UBA2: variants seen among roughly 807,000 people sequenced by gnomAD.
The protein encoded by UBA2 is SUMO-activating enzyme subunit 2.
UBA2 carries 11 observed loss-of-function variants against 77.2 expected under a neutral mutation model. That is an observed-to-expected ratio of 0.14 (90% CI 0.09 to 0.24). UBA2 has a LOEUF of 0.24. Ranked by LOEUF, UBA2 falls within the 10% of genes least tolerant of loss-of-function variation. The probability of loss-of-function intolerance (pLI) is 1.00; values close to 1 mark genes in which losing one functional copy is unlikely to be tolerated. For missense variants in UBA2, 487 were observed against 781.7 expected (o/e 0.62, Z 4.50); for synonymous variants, 278 against 276.7 (o/e 1.00, Z -0.05).
At chr19:34,465,637 GAAA>G (rs11369547) in intron 15 of UBA2, among the ~76,000 whole-genome samples, 1 of 139,812 alleles carries the variant, frequency 7.2e-6, no homozygotes, top group Non-Finnish European at 1.5e-5. Context: ...CTCCATGTCA[GAAA>G]AAAAAAAAAA....
At chr19:34,458,036 C>T (rs893401505) in intron 12 of UBA2, among the ~76,000 whole-genome samples, 1 of 152,094 alleles carries the variant, frequency 6.6e-6, no homozygotes, top group Non-Finnish European at 1.5e-5. Flanking sequence ...AAGGCACTAT[C>T]GTTAACTGGA....
chr19:34,467,201 C>T, intron 16 of UBA2, 187 bp downstream of exon 16: 1 of 669,602 alleles, frequency 1.5e-6, no homozygotes, highest in Non-Finnish European at 2.4e-6. Context: ...GGTGTGGTGG[C>T]TTACACCTGT....
chr19:34,454,179 G>C, intron 10 of UBA2, 81 bp from the exon 11 acceptor site: 2 of 1,232,292 alleles, frequency 1.6e-6, no homozygotes, highest in Non-Finnish European at 2.3e-6. Context: ...TTATAAACAC[G>C]TGAAAGTATT....
chr19:34,429,158 T>C (rs1391360986), intron 1 of UBA2: 1 of 984,894 alleles, frequency 1.0e-6, no homozygotes, highest in Non-Finnish European at 1.2e-6. Context: ...TAACTTACCC[T>C]GGGTCACGGA....
At chr19:34,438,124 G>A (rs920073885) in intron 5 of UBA2, among the ~76,000 whole-genome samples, 1 of 151,666 alleles carries the variant, frequency 6.6e-6, no homozygotes, top group Non-Finnish European at 1.5e-5. Context: ...ATTTTTCTGT[G>A]TAGGGAGATA....
intron 5 of UBA2, among the ~76,000 whole-genome samples, chr19:34,438,300 C>A (rs1033547886): frequency 4.0e-5 from 6 of 150,386 alleles, no homozygotes; most frequent in African/African-American, 1.5e-4. Context: ...GAAATAATTT[C>A]TTGGAAAGCT....
intron 3 of UBA2, among the ~76,000 whole-genome samples, chr19:34,432,454 A>G (rs541038718): frequency 2.6e-5 from 4 of 152,286 alleles, no homozygotes; most frequent in East Asian, 3.9e-4. Context: ...TCCTTTATCT[A>G]TGGTGGTTTA....
chr19:34,431,979 C>A, intron 3 of UBA2, 48 bp downstream of exon 3: 14 of 865,804 alleles, frequency 1.6e-5, no homozygotes, highest in African/African-American at 1.8e-5. Flanking sequence ...GTTTTGTAAG[C>A]CAAATATATA....
chr19:34,467,632 T>C (rs12610838), intron 16 of UBA2, among the ~76,000 whole-genome samples: 127,160 of 152,040 alleles, frequency 0.84, 53,437 homozygotes, highest in Non-Finnish European at 0.88. Flanking sequence ...AAAAATTAGC[T>C]GGGCGTGGCA....
At chr19:34,457,689 T>C (rs1323427303) in intron 12 of UBA2, among the ~76,000 whole-genome samples, 1 of 152,198 alleles carries the variant, frequency 6.6e-6, no homozygotes, top group Non-Finnish European at 1.5e-5. Flanking sequence ...CGTAGAGTAC[T>C]CCTTTAGAAT....
intron 6 of UBA2, among the ~76,000 whole-genome samples, chr19:34,441,112 A>G (rs755537849): frequency 6.6e-6 from 1 of 152,184 alleles, no homozygotes; most frequent in Non-Finnish European, 1.5e-5. Context: ...AGCATTTGGT[A>G]AAATTTAGCA....
At position 34,464,121 on chromosome 19, in the gene UBA2, A is replaced by G. The variant is rs768041032; in HGVS notation, c.1594A>G (p.Ile532Val). The change falls in exon 15 of 17, where the codon ATC (isoleucine) becomes GTC (valine). Residue 532 changes from isoleucine to valine, a missense_variant. Coordinates refer to ENST00000246548, the MANE Select transcript of UBA2 (RefSeq NM_005499.3). ...FLQDYTLLIN[I>V]LHSEDLGKDV... ...CCAGGACTATACTTTATTGATCAAC[A>G]TCCTTCATAGGTAAGAGCTATTAGT... The G allele has an allele frequency of 1.9e-6, 3 of 1,601,016 alleles. No individual in the cohort carries two copies. The highest frequency in any genetic ancestry group is 2.6e-6 in the Non-Finnish European group (3 of 1,168,096).
intron 14 of UBA2, 42 bp from the exon 15 acceptor site, chr19:34,463,984 T>C (rs1457229271): frequency 7.3e-7 from 1 of 1,377,812 alleles, no homozygotes; most frequent in South Asian, 1.2e-5. Context: ...GACTGCTCTA[T>C]GAAGATGTAA....
At chr19:34,449,289 C>T (rs1483117492) in intron 8 of UBA2, among the ~76,000 whole-genome samples, 5 of 151,492 alleles carry the variant, frequency 3.3e-5, no homozygotes, top group South Asian at 4.2e-4. Flanking sequence ...AGGATGGTCT[C>T]GATCTCTTGA....
intron 8 of UBA2, among the ~76,000 whole-genome samples, chr19:34,447,147 G>C (rs1454886309): frequency 6.6e-6 from 1 of 152,142 alleles, no homozygotes; most frequent in African/African-American, 2.4e-5. Context: ...TGATGTTTGA[G>C]GGCAGGAAGC....
At chr19:34,445,695 C>T (rs1476046984) in intron 8 of UBA2, among the ~76,000 whole-genome samples, 1 of 152,024 alleles carries the variant, frequency 6.6e-6, no homozygotes, top group Non-Finnish European at 1.5e-5. Flanking sequence ...ACCTTGGCTT[C>T]CCAAAGTGAT....
At chr19:34,468,955 A>G in intron 16 of UBA2, 85 bp from the exon 17 acceptor site, 1 of 1,167,670 alleles carries the variant, frequency 8.6e-7, no homozygotes, top group Non-Finnish European at 1.2e-6. Flanking sequence ...TAGAAGAGTC[A>G]GCTTTCAATT....
At chr19:34,435,995 C>T (rs2075303811) in intron 5 of UBA2, among the ~76,000 whole-genome samples, 1 of 151,770 alleles carries the variant, frequency 6.6e-6, no homozygotes, top group South Asian at 2.1e-4. Context: ...TGGTGTGCAC[C>T]TGTAATCCCA....
intron 8 of UBA2, among the ~76,000 whole-genome samples, chr19:34,446,934 A>G (rs543915253): frequency 9.9e-5 from 15 of 152,182 alleles, no homozygotes; most frequent in African/African-American, 3.6e-4. Flanking sequence ...TCCCTATTGC[A>G]TTTATTTCCT....
Sources: gnomAD v4.1 joint callset for allele counts (sites outside exome capture counted in the v4.1 genomes callset) on GRCh38, gnomAD v4.1.1 for gene constraint, MANE v1.5 for transcripts, NCBI Gene and HGNC (gene_info 2026-07-23, HGNC 2026-07-21) for gene names.